The following SPTB variants were observed in gnomAD, a reference collection of about 807,000 sequenced individuals.
SPTB encodes spectrin beta chain, erythrocytic.
A neutral mutation model predicts 256.2 loss-of-function variants in SPTB; 45 were observed. That is an observed-to-expected ratio of 0.18 (90% CI 0.14 to 0.23). SPTB has a LOEUF of 0.23. SPTB is among the 10% of genes least tolerant of loss of function. The probability of loss-of-function intolerance (pLI) is 1.00; values close to 1 mark genes in which losing one functional copy is unlikely to be tolerated. For synonymous variants in SPTB, 1,231 were observed against 1,243.1 expected (o/e 0.99, Z 0.21); for missense variants, 2,715 against 3,040.4 (o/e 0.89, Z 2.52).
chr14:64,847,091 C>T lies in SPTB; in HGVS notation c.-51-23946G>A, dbSNP rs747998936. On this transcript the variant is annotated intron_variant, in intron 1 of 35. Transcript: ENST00000644917. This position sits in a 1 kb window ranked among gnomAD's most constrained non-coding sequence, Gnocchi z 5.9. ...CCCTTGTCTATGTGTAGCTCCACCT[C>T]GGGGTGTGATTTCCTCAGTTGTTCA... 2.0e-5 allele frequency among the ~76,000 whole-genome samples: 3 copies of T among 152,304 alleles called. No homozygotes were observed. The highest frequency in any genetic ancestry group is 2.1e-4 in the South Asian group (1 of 4,820).
rs753632466 is a variant in SPTB, at chr14:64,799,730, T to A, written c.1064+17A>T. The A allele has an allele frequency of 9.9e-6, 16 of 1,613,788 alleles. No individual in the cohort carries two copies. Among genetic ancestry groups the A allele is most frequent in the Middle Eastern group, 1.7e-4 (1 of 5,898 alleles). ...CCAGCCACTGAGGACCACCCTCCCA[T>A]GTGCCAGGGCCCTTACTTGGGCGGC... On this transcript the variant is annotated intron_variant, in intron 9 of 35. Transcript: ENST00000644917.
In SPTB at chr14:64,847,136, C is replaced by T. The variant is rs1019643943; in HGVS notation, c.-51-23991G>A. 3.3e-5 allele frequency among the ~76,000 whole-genome samples: 5 copies of T among 152,186 alleles called. No individual in the cohort carries two copies. Among genetic ancestry groups the T allele is most frequent in the African/African-American group, 9.6e-5 (4 of 41,454 alleles). ...TGTTCACTGGCATAGAAGCCTCAAG[C>T]CCAGTCGGCTCTTGGTCCAGGACCT... On this transcript the variant is annotated intron_variant, in intron 1 of 35. Coordinates refer to ENST00000644917, the MANE Select transcript of SPTB (RefSeq NM_001355436.2). The surrounding 1 kb of genome is among the most constrained non-coding windows in gnomAD (Gnocchi z 5.9).
At position 64,818,594 on chromosome 14, in the gene SPTB, G is replaced by A. The variant is rs190261955; in HGVS notation, c.148+4353C>T. 2.1e-3 allele frequency among the ~76,000 whole-genome samples: 317 copies of A among 152,284 alleles called. 1 individual carries two copies. Among genetic ancestry groups the A allele is most frequent in the South Asian group, 4.4e-3 (21 of 4,822 alleles). ...GTGCAGGGAAGGGGAGGAGTGTGCA[G>A]GCAGGCAGATGCCTCCTCTGGGGTG... On this transcript the variant is annotated intron_variant, in intron 2 of 35. Coordinates refer to ENST00000644917, the MANE Select transcript of SPTB (RefSeq NM_001355436.2).
intron 1 of SPTB, among the ~76,000 whole-genome samples, chr14:64,836,836 G>T (rs2083530159): frequency 6.6e-6 from 1 of 152,222 alleles, no homozygotes; most frequent in Non-Finnish European, 1.5e-5. Flanking sequence ...TTCCTAAGGA[G>T]CCAGAGTATC....
chr14:64,763,787 A>G (rs1295831963), intron 32 of SPTB: 1 of 518,796 alleles, frequency 1.9e-6, no homozygotes, highest in African/African-American at 1.9e-5. Context: ...CTTTACCAGA[A>G]CGTGCTCTAA....
intron 1 of SPTB, among the ~76,000 whole-genome samples, chr14:64,848,852 G>A (rs935652538): frequency 1.3e-5 from 2 of 152,304 alleles, no homozygotes; most frequent in African/African-American, 2.4e-5. Flanking sequence ...CTTGACTTAT[G>A]TAATCATATT....
intron 26 of SPTB, among the ~76,000 whole-genome samples, chr14:64,771,571 T>C (rs1257458355): frequency 6.6e-6 from 1 of 152,006 alleles, no homozygotes; most frequent in Admixed American, 6.5e-5. Context: ...AGTAAAGGGG[T>C]ACAGCTGGGA....
At chr14:64,863,344 A>G (rs1406274435) in intron 1 of SPTB, among the ~76,000 whole-genome samples, 2 of 152,236 alleles carry the variant, frequency 1.3e-5, no homozygotes, top group Non-Finnish European at 2.9e-5. Context: ...ACGTTTTTTA[A>G]AAGTTTATGA....
chr14:64,783,395 T>C lies in SPTB; in HGVS notation c.4003-842A>G, dbSNP rs1156867343. Among the ~76,000 whole-genome samples, 6 of 152,144 alleles carry C rather than the reference T, an allele frequency of 3.9e-5. No homozygotes were observed. In the East Asian group the frequency reaches 1.2e-3, roughly 29 times the overall value. On this transcript the variant is annotated intron_variant, in intron 19 of 35. Transcript: ENST00000644917. The stretch of plus-strand genomic sequence containing the variant: ...TTTTGTATTTTTAGTAGAGATGGGA[T>C]TTCGCCATGTTGGCTAGGCTGGTCT...
chr14:64,820,659 C>T (rs537426638), intron 2 of SPTB, among the ~76,000 whole-genome samples: 1 of 152,282 alleles, frequency 6.6e-6, no homozygotes, highest in South Asian at 2.1e-4. Flanking sequence ...AGCAAAGGCT[C>T]TTTCCTGATC....
In SPTB at chr14:64,859,710, CTCTCTCTCTCTATA is replaced by C. The variant is rs760449744; in HGVS notation, c.-52+20068_-52+20081del. ...TCTCTCTCTGTCTCTCTCTCTCTCT[CTCTCTCTCTCTATA>C]TATATATATATATGCATATAATTAG... On this transcript the variant is annotated intron_variant, in intron 1 of 35. Transcript: ENST00000644917. Among the ~76,000 whole-genome samples the C allele has an allele frequency of 1.1e-3, 32 of 28,708 alleles. No homozygotes were observed. The South Asian group carries it at 0.03, about 27-fold the overall frequency. The allele number at this position is 28,708 out of a possible 152,430, so 18.8% of individuals were successfully genotyped here. A position where few individuals can be genotyped will look rare whatever the true frequency, so the allele number is the denominator to read the frequency against.
In SPTB at chr14:64,792,965, G is replaced by C. The variant is rs2082700107; in HGVS notation, c.2666+32C>G. 6.2e-7 allele frequency: 1 copy of C among 1,613,494 alleles called. No homozygotes were observed. The highest frequency in any genetic ancestry group is 8.5e-7 in the Non-Finnish European group (1 of 1,180,028). On this transcript the variant is annotated intron_variant, in intron 14 of 35. Transcript: ENST00000644917. The surrounding 1 kb of genome is among the most constrained non-coding windows in gnomAD (Gnocchi z 4.2). Reference sequence around the variant, plus strand: ...GAGATGGTGCCCAGGCCTGGGTACAGGGACGTGAGGAAAAGATGAGTTAAC... The same window carrying C: ...GAGATGGTGCCCAGGCCTGGGTACACGGACGTGAGGAAAAGATGAGTTAAC...
rs772778745 is a variant in SPTB, at chr14:64,749,313, T to A, written c.6980A>T (p.Lys2327Met). ...GCCCGCCAGCCCCACCTGCTACTTC[T>A]TTTTGGGGAAGAAGCTGAATCTCTT... is the stretch of plus-strand genomic sequence containing the variant. The part of the protein sequence containing the change: ...KEKRFSFFPK[K>M]K The change falls in exon 36 of 36, where the codon AAG becomes ATG. Residue 2327 changes from lysine (K) to methionine (M), a missense_variant. Lys to Met is a moderately conservative substitution (Grantham distance 95). This residue lies in a region of SPTB where 2,239 missense variants were observed against 2,384.4 expected (regional missense o/e 0.94). Coordinates refer to ENST00000644917, the MANE Select transcript of SPTB (RefSeq NM_001355436.2). This position sits in a 1 kb window ranked among gnomAD's most constrained non-coding sequence, Gnocchi z 4.7. The A allele has an allele frequency of 6.2e-7, 1 of 1,603,206 alleles. No individual in the cohort carries two copies. Among genetic ancestry groups the A allele is most frequent in the Non-Finnish European group, 8.5e-7 (1 of 1,176,506 alleles).
rs2081898156 is a variant in SPTB at position 64,749,099 on chromosome 14, A to T, written c.*207T>A. 1 of 524,080 alleles carries T rather than the reference A, an allele frequency of 1.9e-6. No individual in the cohort carries two copies. The highest frequency in any genetic ancestry group is 4.0e-5 in the East Asian group (1 of 24,868). 32.5% of individuals were successfully genotyped at this position (524,080 alleles called of 1,614,324 possible). ...CTGGGAGCCCCTGTCCCTGGAGCGG[A>T]GCCAGCGCGGGCGAGGGCATGGAGG... is the stretch of plus-strand genomic sequence containing the variant. On this transcript the variant is annotated 3_prime_UTR_variant, in exon 36 of 36. Transcript: ENST00000644917. This position sits in a 1 kb window ranked among gnomAD's most constrained non-coding sequence, Gnocchi z 4.7.
Position 64,786,076 on chromosome 14 carries a change from A to G in SPTB, c.3562-125T>C. On this transcript the variant is annotated intron_variant, in intron 16 of 35. Coordinates refer to ENST00000644917, the MANE Select transcript of SPTB (RefSeq NM_001355436.2). This position sits in a 1 kb window ranked among gnomAD's most constrained non-coding sequence, Gnocchi z 5.6. ...GTATGAATGAGCCCCCTAGAGTAGT[A>G]CAGGGAGGAGGCACTACTCCCCAGG... 1 of 1,004,358 alleles carries G rather than the reference A, an allele frequency of 1.0e-6. No homozygotes were observed. The highest frequency in any genetic ancestry group is 1.5e-6 in the Non-Finnish European group (1 of 651,510). 62.2% of individuals were successfully genotyped at this position (1,004,358 alleles called of 1,614,324 possible). A position where few individuals can be genotyped will look rare whatever the true frequency, so the allele number is the denominator to read the frequency against.
chr14:64,819,036 G>C (rs1237197965), intron 2 of SPTB, among the ~76,000 whole-genome samples: 2 of 152,214 alleles, frequency 1.3e-5, no homozygotes, highest in Non-Finnish European at 2.9e-5. Context: ...AATCTGCTCA[G>C]GGATCTACAG....
chr14:64,819,182 TAAAG>T (rs2083244934), intron 2 of SPTB, among the ~76,000 whole-genome samples: 1 of 152,220 alleles, frequency 6.6e-6, no homozygotes, highest in South Asian at 2.1e-4. Flanking sequence ...CCCAGTTTCA[TAAAG>T]AAAGTCATTC....
At chr14:64,769,480 C>A in intron 28 of SPTB, 110 bp downstream of exon 28, 2 of 1,440,174 alleles carry the variant, frequency 1.4e-6, no homozygotes, top group Non-Finnish European at 1.9e-6. Flanking sequence ...GAGAGCAAGA[C>A]AAGCTCCTCA....
At chr14:64,762,126 G>A (rs1157704424) in intron 32 of SPTB, among the ~76,000 whole-genome samples, 1 of 152,184 alleles carries the variant, frequency 6.6e-6, no homozygotes, top group Non-Finnish European at 1.5e-5. Flanking sequence ...CCAGAGTATA[G>A]GCAGACACAC....
Sources: allele counts gnomAD v4.1 joint callset (sites outside exome capture counted in the v4.1 genomes callset), GRCh38; gene constraint gnomAD v4.1.1; regional missense constraint gnomAD v4.1.1; non-coding constraint Gnocchi (gnomAD v3.1); transcripts MANE v1.5; gene names NCBI Gene and HGNC (gene_info 2026-07-23, HGNC 2026-07-21).